Variants in COL4A5 observed in about 807,000 individuals in gnomAD.
The protein encoded by COL4A5 is collagen alpha-5(IV) chain.
In COL4A5, 26 loss-of-function variants were observed where a neutral mutation model predicts 130.2. That is an observed-to-expected ratio of 0.20 (90% CI 0.15 to 0.28). The LOEUF (loss-of-function observed/expected upper bound fraction) is 0.28, where lower values mean the gene tolerates loss of function less well. Among genes scored for constraint, COL4A5 ranks in the 10% least tolerant of loss-of-function variants. The pLI is 1.00. For synonymous variants in COL4A5, 496 were observed against 439.6 expected (o/e 1.13, Z -1.60); for missense variants, 1,131 against 1,344.3 (o/e 0.84, Z 2.48).
chrX:108,527,869 C>A (rs2065342216), intron 1 of COL4A5, among the ~76,000 whole-genome samples: 1 of 111,880 alleles, frequency 8.9e-6, no homozygotes, highest in Non-Finnish European at 1.9e-5. Context: ...ACATATGGGC[C>A]TGGACATGGG....
At chrX:108,620,752 C>A (rs768195771) in intron 31 of COL4A5, among the ~76,000 whole-genome samples, 3 of 111,994 alleles carry the variant, frequency 2.7e-5, no homozygotes, top group Non-Finnish European at 5.6e-5. Flanking sequence ...GTTGCCCCAG[C>A]TGGAGTGTTT....
chrX:108,502,258 A>AGTTTTGTTTT (rs372234708), intron 1 of COL4A5, among the ~76,000 whole-genome samples: 200 of 108,843 alleles, frequency 1.8e-3, no homozygotes, highest in African/African-American at 6.7e-3. Flanking sequence ...GGAAGGTAAT[A>AGTTTTGTTTT]GTTTTGTTTT....
chrX:108,617,325 A>G (rs2066948176), intron 30 of COL4A5, among the ~76,000 whole-genome samples: 1 of 111,966 alleles, frequency 8.9e-6, no homozygotes, highest in Admixed American at 9.5e-5. Context: ...TGTTTTTGTA[A>G]TAAGCTTATT....
chrX:108,683,362 C>G (rs1339190878), intron 47 of COL4A5, among the ~76,000 whole-genome samples: 1 of 111,400 alleles, frequency 9.0e-6, no homozygotes, highest in Non-Finnish European at 1.9e-5. Context: ...TTATGATTGT[C>G]TTGTTTATAT....
chrX:108,600,096 T>C (rs1490482068), intron 25 of COL4A5, among the ~76,000 whole-genome samples: 2 of 112,679 alleles, frequency 1.8e-5, no homozygotes, highest in Non-Finnish European at 3.7e-5. Context: ...GATTAAAGTT[T>C]AGCACCTTTT....
chrX:108,627,289 C>T, intron 36 of COL4A5: 1 of 644,565 alleles, frequency 1.6e-6, no homozygotes, highest in Non-Finnish European at 1.8e-6. Context: ...TGAAAATCTT[C>T]TTCATGCCCC....
chrX:108,494,745 C>G (rs2065020086), intron 1 of COL4A5, among the ~76,000 whole-genome samples: 1 of 111,443 alleles, frequency 9.0e-6, no homozygotes, highest in Admixed American at 9.5e-5. Flanking sequence ...AGATTCTATA[C>G]TGAAGAAATA....
At position 108,541,311 on chromosome X, in the gene COL4A5, G is replaced by A. The variant is rs143158552; in HGVS notation, c.141+1506G>A. Among the ~76,000 whole-genome samples the A allele has an allele frequency of 4.4e-3, 492 of 112,039 alleles. 3 individuals carry two copies. The highest frequency in any genetic ancestry group is 6.5e-3 in the Non-Finnish European group (346 of 53,211). On this transcript the variant is annotated intron_variant, in intron 2 of 52. Transcript: ENST00000328300. ...GAGGGATTAACTTCATATAATAGTA[G>A]AGTGATGTTTATCAGATTAACTTTT... is the stretch of plus-strand genomic sequence containing the variant.
At chrX:108,513,334 A>G (rs58290845) in intron 1 of COL4A5, among the ~76,000 whole-genome samples, 11,627 of 111,281 alleles carry the variant, frequency 0.1, 1,302 homozygotes, top group African/African-American at 0.34. Context: ...CAAAATGGTT[A>G]TATCATTTTA....
At chrX:108,474,253 T>A (rs1030816915) in intron 1 of COL4A5, among the ~76,000 whole-genome samples, 2 of 111,869 alleles carry the variant, frequency 1.8e-5, no homozygotes, top group African/African-American at 6.5e-5. Context: ...TGTACCATTT[T>A]TAATCTTTTA....
At chrX:108,539,879 A>G in intron 2 of COL4A5, 74 bp downstream of exon 2, 2 of 843,488 alleles carry the variant, frequency 2.4e-6, no homozygotes, top group South Asian at 4.1e-5. Context: ...ATTTTTTTAA[A>G]AACAGAGCTT....
intron 1 of COL4A5, among the ~76,000 whole-genome samples, chrX:108,461,079 GT>G (rs2064645754): frequency 9.0e-6 from 1 of 111,235 alleles, no homozygotes; most frequent in Non-Finnish European, 1.9e-5. Context: ...AAAGACTAAT[GT>G]TGTAAATTAA....
At chrX:108,530,081 A>T (rs766457308) in intron 1 of COL4A5, among the ~76,000 whole-genome samples, 11 of 111,194 alleles carry the variant, frequency 9.9e-5, no homozygotes, top group African/African-American at 3.6e-4. Flanking sequence ...AAAACATCCT[A>T]CCCAACAACT....
intron 2 of COL4A5, among the ~76,000 whole-genome samples, chrX:108,552,623 G>A (rs1244727538): frequency 3.6e-5 from 4 of 111,399 alleles, no homozygotes; most frequent in East Asian, 2.8e-4. Flanking sequence ...AAAATATTGC[G>A]GTGAGAAATA....
At chrX:108,608,000 A>G (rs1367471371) in intron 29 of COL4A5, among the ~76,000 whole-genome samples, 1 of 111,786 alleles carries the variant, frequency 8.9e-6, no homozygotes, top group Non-Finnish European at 1.9e-5. Context: ...ATTTTTGCCA[A>G]TCATTTATTA....
In COL4A5 at chrX:108,665,519, C is replaced by T. The variant is rs200530094; in HGVS notation, c.3386C>T (p.Pro1129Leu). The T allele has an allele frequency of 3.3e-6, 4 of 1,205,801 alleles. No homozygotes were observed. The highest frequency in any genetic ancestry group is 4.5e-6 in the Non-Finnish European group (4 of 891,871). The stretch of plus-strand genomic sequence containing the variant: ...CTCTTTACTCTAGGAACCCCAGGCC[C>T]TCCTGGACCAAAAGGTATTAGTGGC... ...GLPGFPGTPG[P>L]PGPKGISGPP... is the part of the protein sequence containing the mutation. The change falls in exon 38 of 53, where the codon CCT (proline) becomes CTT (leucine). Residue 1129 changes from proline (P) to leucine (L), a missense_variant. Coordinates refer to ENST00000328300, the MANE Select transcript of COL4A5 (RefSeq NM_033380.3).
intron 13 of COL4A5, among the ~76,000 whole-genome samples, chrX:108,578,792 G>T (rs1262629606): frequency 9.3e-6 from 1 of 107,655 alleles, no homozygotes; most frequent in South Asian, 4.2e-4. Context: ...CGATTCTCCT[G>T]CCTCAGCTTC....
At chrX:108,592,351 G>A (rs761281273) in intron 21 of COL4A5, among the ~76,000 whole-genome samples, 51 of 110,173 alleles carry the variant, frequency 4.6e-4, no homozygotes, top group Admixed American at 8.8e-4. Context: ...TTGCCTCTCC[G>A]ACATCACCAA....
Position 108,622,773 on chromosome X carries a change from G to A in COL4A5, c.2865G>A (p.Met955Ile), listed in dbSNP as rs1350078739. 7 of 1,209,386 alleles carry A rather than the reference G, an allele frequency of 5.8e-6. No homozygotes were observed. The highest frequency in any genetic ancestry group is 6.7e-6 in the Non-Finnish European group (6 of 894,691). Residue 955 changes from methionine to isoleucine, a missense_variant, in exon 33 of 53, where the codon ATG becomes ATA. By Grantham distance (10) the Met-to-Ile change is conservative (BLOSUM62 1). Transcript: ENST00000328300. ...EPGLPGPPGPMDPNLLGSKGE... is the reference protein window; with the variant it reads ...EPGLPGPPGPIDPNLLGSKGE... ...GCCTTCCAGGCCCTCCTGGACCAATGGATCCAAATCTTCTGGGCTCAAAAG... is the reference window on the plus strand; with the variant it reads ...GCCTTCCAGGCCCTCCTGGACCAATAGATCCAAATCTTCTGGGCTCAAAAG...
Sources: allele counts gnomAD v4.1 joint callset (sites outside exome capture counted in the v4.1 genomes callset), GRCh38; gene constraint gnomAD v4.1.1; transcripts MANE v1.5; gene names NCBI Gene and HGNC (gene_info 2026-07-23, HGNC 2026-07-21).